NVL: variants seen among roughly 807,000 people sequenced by gnomAD.
NVL encodes the protein nuclear VCP like, also known as nuclear valosin-containing protein-like.
In NVL, 84 loss-of-function variants were observed where a neutral mutation model predicts 110.2. The ratio of observed to expected loss-of-function variants is 0.76; its 90% CI spans 0.64 to 0.91. The LOEUF is 0.91. NVL is among the 40% of genes least tolerant of loss of function. The pLI, the probability that NVL is intolerant of heterozygous loss-of-function variation, is 0.00. For synonymous variants in NVL, 354 were observed against 361.1 expected (o/e 0.98, Z 0.22); for missense variants, 882 against 1,035.9 (o/e 0.85, Z 2.04).
intron 19 of NVL, among the ~76,000 whole-genome samples, chr1:224,248,582 G>A (rs1305592885): frequency 6.6e-6 from 1 of 152,102 alleles, no homozygotes; most frequent in African/African-American, 2.4e-5. Flanking sequence ...AGCATCAAAA[G>A]AATACTAAAA....
intron 5 of NVL, among the ~76,000 whole-genome samples, chr1:224,310,716 TC>T (rs1232963481): frequency 6.6e-6 from 1 of 151,822 alleles, no homozygotes; most frequent in Non-Finnish European, 1.5e-5. Context: ...TTTTTTTCTT[TC>T]CCTCTTTCTT....
At position 224,308,022 on chromosome 1, in the gene NVL, C is replaced by A; in HGVS notation, c.584G>T (p.Ser195Ile). The A allele has an allele frequency of 1.3e-6, 2 of 1,548,348 alleles. No homozygotes were observed. ...CTCAGTTATTGGCTTCTTAGGATTA[C>A]TTTTCTCACATGACAGGTCCAAGAA... ...SFFLDLSCEK[S>I]NPKKPITEIQ... is the part of the protein sequence containing the mutation. Residue 195 changes from serine to isoleucine, a missense_variant, in exon 6 of 23, where the codon AGT (serine) becomes ATT (isoleucine). Physicochemically the swap from Ser to Ile is moderately radical, Grantham distance 142 (BLOSUM62 -2). Around this residue, in one of 4 missense-constraint regions of NVL, gnomAD observed 274 missense variants for 268.4 expected, o/e 1.02. Transcript: ENST00000281701.
intron 17 of NVL, 41 bp downstream of exon 17, chr1:224,275,298 G>A (rs750236014): frequency 2.5e-6 from 4 of 1,612,472 alleles, no homozygotes; most frequent in Non-Finnish European, 2.5e-6. Flanking sequence ...AAGGTTTATT[G>A]TGCTAAAAGA....
chr1:224,294,200 T>G, intron 12 of NVL, 67 bp downstream of exon 12: 1 of 1,525,998 alleles, frequency 6.6e-7, no homozygotes, highest in South Asian at 1.1e-5. Flanking sequence ...ATTTCTCACC[T>G]CTTACTTTCA....
chr1:224,258,744 T>A (rs1303710525), intron 18 of NVL, among the ~76,000 whole-genome samples: 1 of 152,052 alleles, frequency 6.6e-6, no homozygotes, highest in Non-Finnish European at 1.5e-5. Flanking sequence ...TTCTATAATA[T>A]GAATAAATCT....
At chr1:224,280,211 T>C (rs571403228) in intron 16 of NVL, among the ~76,000 whole-genome samples, 30 of 147,858 alleles carry the variant, frequency 2.0e-4, no homozygotes, top group South Asian at 1.3e-3. Flanking sequence ...GATAGATACA[T>C]AGGGGTATAT....
intron 1 of NVL, among the ~76,000 whole-genome samples, chr1:224,327,480 A>C (rs1200308630): frequency 6.6e-6 from 1 of 152,038 alleles, no homozygotes; most frequent in Non-Finnish European, 1.5e-5. Flanking sequence ...ATATATAGCT[A>C]AGTGAAAATT....
chr1:224,242,250 T>C (rs541036140), intron 19 of NVL, among the ~76,000 whole-genome samples: 4 of 152,252 alleles, frequency 2.6e-5, no homozygotes, highest in Non-Finnish European at 4.4e-5. Context: ...ACAATGTGAA[T>C]GTACTTAATG....
rs1350749227 is a variant in NVL at position 224,289,499 on chromosome 1, G to C, written c.1560C>G (p.Pro520=). The stretch of plus-strand genomic sequence containing the variant: ...GAGAAAGCACCTGTGTTTCAGAAGT[G>C]GGCTCAGTTCCCAGCCTTTCCTCCT... ...GVQEERLGTE[P]TSETQDELQR... The change falls in exon 13 of 23, where the codon CCC becomes CCG. Residue 520 remains proline, a synonymous_variant. Coordinates refer to ENST00000281701, the MANE Select transcript of NVL (RefSeq NM_002533.4). The C allele has an allele frequency of 1.2e-6, 2 of 1,614,008 alleles. No homozygotes were observed. Among genetic ancestry groups the C allele is most frequent in the African/African-American group, 2.7e-5 (2 of 74,926 alleles).
At position 224,259,083 on chromosome 1, in the gene NVL, G is replaced by A. The variant is rs373407182; in HGVS notation, c.2183-8765C>T. Among the ~76,000 whole-genome samples the A allele has an allele frequency of 4.0e-5, 6 of 151,212 alleles. No homozygotes were observed. The East Asian group carries it at 1.2e-3, about 29-fold the overall frequency. On this transcript the variant is annotated intron_variant, in intron 18 of 22. Coordinates refer to ENST00000281701, the MANE Select transcript of NVL (RefSeq NM_002533.4). Reference sequence around the variant, plus strand: ...GCTAACAGGCATGAGATTTTTTAAGGGTGATGAACATTTTTTTTTTTTTGA... The same window carrying A: ...GCTAACAGGCATGAGATTTTTTAAGAGTGATGAACATTTTTTTTTTTTTGA...
chr1:224,301,342 C>T (rs190615058), intron 9 of NVL, among the ~76,000 whole-genome samples: 40 of 152,180 alleles, frequency 2.6e-4, no homozygotes, highest in South Asian at 6.2e-4. Context: ...TGGCCTCAAG[C>T]CATCCTCCCA....
intron 15 of NVL, among the ~76,000 whole-genome samples, chr1:224,284,917 T>C (rs1030995636): frequency 2.6e-4 from 39 of 152,310 alleles, no homozygotes; most frequent in Admixed American, 1.1e-3. Context: ...TGGAAAATTA[T>C]TTAGAAATGC....
intron 5 of NVL, among the ~76,000 whole-genome samples, chr1:224,311,359 C>G (rs911992360): frequency 2.7e-5 from 4 of 150,494 alleles, no homozygotes; most frequent in African/African-American, 9.8e-5. Context: ...CGACAGCTAG[C>G]CTTATTTTTT....
chr1:224,308,725 G>A (rs542714494), intron 5 of NVL, among the ~76,000 whole-genome samples: 2 of 146,322 alleles, frequency 1.4e-5, no homozygotes, highest in African/African-American at 5.0e-5. Flanking sequence ...ATATATGGGT[G>A]TTCACAATAA....
At chr1:224,320,457 G>A (rs771927105) in intron 2 of NVL, among the ~76,000 whole-genome samples, 103 of 152,226 alleles carry the variant, frequency 6.8e-4, no homozygotes, top group Non-Finnish European at 1.0e-3. Context: ...AACTAGCCTG[G>A]CCAACATGGT....
At chr1:224,241,581 C>A (rs912312957) in intron 19 of NVL, among the ~76,000 whole-genome samples, 12 of 152,066 alleles carry the variant, frequency 7.9e-5, no homozygotes, top group Non-Finnish European at 1.2e-4. Flanking sequence ...ATAGGCCAGG[C>A]GTGGTGGCTC....
intron 12 of NVL, 141 bp from the exon 13 acceptor site, chr1:224,289,874 T>A: frequency 1.4e-6 from 1 of 704,906 alleles, no homozygotes; most frequent in Non-Finnish European, 2.3e-6. Context: ...GTTCAGTCAC[T>A]CAACAAACGC....
intron 19 of NVL, among the ~76,000 whole-genome samples, chr1:224,238,092 G>T (rs1571776710): frequency 6.6e-6 from 1 of 151,512 alleles, no homozygotes; most frequent in East Asian, 1.9e-4. Context: ...TTAGTGCAAT[G>T]GCGCAATCTC....
At chr1:224,329,625 C>T (rs1671485438) in intron 1 of NVL, among the ~76,000 whole-genome samples, 1 of 152,166 alleles carries the variant, frequency 6.6e-6, no homozygotes, top group Admixed American at 6.5e-5. Flanking sequence ...GTTACTGTTG[C>T]CAGACCCATG....
Sources: gnomAD v4.1 joint callset for allele counts (sites outside exome capture counted in the v4.1 genomes callset) on GRCh38, gnomAD v4.1.1 for gene constraint, gnomAD v4.1.1 regional missense constraint, MANE v1.5 for transcripts, NCBI Gene and HGNC (gene_info 2026-07-23, HGNC 2026-07-21) for gene names.